Variants in SNTG1 observed in about 807,000 individuals in gnomAD.
SNTG1 encodes syntrophin gamma 1, also known as gamma-1-syntrophin.
SNTG1 carries 39 observed loss-of-function variants against 74.7 expected under a neutral mutation model. That is an observed-to-expected ratio of 0.52 (90% confidence interval 0.40 to 0.68). SNTG1 has a LOEUF of 0.68. Ranked by LOEUF, SNTG1 falls within the 30% of genes least tolerant of loss-of-function variation. The pLI, the probability that SNTG1 is intolerant of heterozygous loss-of-function variation, is 0.00. For synonymous variants in SNTG1, 254 were observed against 217.1 expected (o/e 1.17, Z -1.49); for missense variants, 685 against 609.5 (o/e 1.12, Z -1.30).
At chr8:50,712,163 C>T (rs2095463314) in intron 17 of SNTG1, among the ~76,000 whole-genome samples, 1 of 152,148 alleles carries the variant, frequency 6.6e-6, no homozygotes, top group South Asian at 2.1e-4. Context: ...CATCAGTCTT[C>T]ACAGACGTTT....
At chr8:50,509,132 T>C (rs1363378650) in intron 9 of SNTG1, among the ~76,000 whole-genome samples, 1 of 152,256 alleles carries the variant, frequency 6.6e-6, no homozygotes, top group South Asian at 2.1e-4. Context: ...TTCAGCTTTC[T>C]ACATATGGCT....
intron 9 of SNTG1, among the ~76,000 whole-genome samples, chr8:50,506,049 A>C (rs1002052663): frequency 6.6e-6 from 1 of 152,066 alleles, no homozygotes; most frequent in South Asian, 2.1e-4. Context: ...GTAAGTGCCC[A>C]ACATTCTTTT....
intron 2 of SNTG1, among the ~76,000 whole-genome samples, chr8:50,291,021 G>A (rs1369896665): frequency 6.6e-6 from 1 of 152,078 alleles, no homozygotes; most frequent in Non-Finnish European, 1.5e-5. Flanking sequence ...CTCCCAAAGT[G>A]CTGGGACTGC....
intron 4 of SNTG1, among the ~76,000 whole-genome samples, chr8:50,409,262 C>A (rs919988333): frequency 9.9e-5 from 15 of 152,212 alleles, no homozygotes; most frequent in Admixed American, 9.8e-4. Context: ...TTTTCACCTA[C>A]AAGAGACAGC....
intron 13 of SNTG1, among the ~76,000 whole-genome samples, chr8:50,601,073 G>T (rs1464791207): frequency 3.6e-5 from 5 of 137,512 alleles, no homozygotes; most frequent in Non-Finnish European, 6.1e-5. Context: ...TGGGAGAATC[G>T]CTTGAACCTG....
At chr8:50,785,305 A>G (rs1442208585) in intron 18 of SNTG1, among the ~76,000 whole-genome samples, 1 of 151,942 alleles carries the variant, frequency 6.6e-6, no homozygotes, top group Non-Finnish European at 1.5e-5. Flanking sequence ...AGATAACCAA[A>G]CAGCGAGAGA....
At chr8:50,329,853 A>C (rs1386612760) in intron 2 of SNTG1, among the ~76,000 whole-genome samples, 1 of 152,096 alleles carries the variant, frequency 6.6e-6, no homozygotes, top group Non-Finnish European at 1.5e-5. Context: ...AAATTTTCCA[A>C]ACTTTTATGC....
chr8:50,227,600 G>A (rs1296983960), intron 2 of SNTG1, among the ~76,000 whole-genome samples: 1 of 152,072 alleles, frequency 6.6e-6, no homozygotes, highest in Non-Finnish European at 1.5e-5. Context: ...TCATCAGGTT[G>A]TAGAATGATT....
At chr8:49,966,006 C>A (rs1036456590) in intron 1 of SNTG1, among the ~76,000 whole-genome samples, 1 of 152,166 alleles carries the variant, frequency 6.6e-6, no homozygotes, top group African/African-American at 2.4e-5. Flanking sequence ...AAGCTCTGTG[C>A]ATCTTCCTTG....
chr8:50,020,799 A>G (rs1415053529), intron 1 of SNTG1, among the ~76,000 whole-genome samples: 1 of 152,060 alleles, frequency 6.6e-6, no homozygotes, highest in East Asian at 1.9e-4. Flanking sequence ...TGCACCTTGG[A>G]TTTTTTACTT....
At chr8:50,111,267 C>T (rs1428492085) in intron 1 of SNTG1, among the ~76,000 whole-genome samples, 2 of 151,812 alleles carry the variant, frequency 1.3e-5, no homozygotes, top group African/African-American at 4.8e-5. Context: ...TGAAGCTCTA[C>T]CCCCCCAATA....
At chr8:50,185,867 T>C (rs1197518835) in intron 2 of SNTG1, among the ~76,000 whole-genome samples, 3 of 152,254 alleles carry the variant, frequency 2.0e-5, no homozygotes, top group East Asian at 1.9e-4. Flanking sequence ...CCAAGATACA[T>C]GTGCAGAAAG....
intron 2 of SNTG1, among the ~76,000 whole-genome samples, chr8:50,183,515 C>T (rs1246597019): frequency 4.6e-5 from 7 of 152,144 alleles, no homozygotes; most frequent in Admixed American, 3.9e-4. Flanking sequence ...CCTTCAAGTG[C>T]CCATAGCACG....
intron 15 of SNTG1, among the ~76,000 whole-genome samples, chr8:50,684,251 G>T (rs6473290): frequency 0.1 from 15,587 of 152,104 alleles, 2,245 homozygotes; most frequent in African/African-American, 0.32. Flanking sequence ...TTCTAAACAT[G>T]AATTTGAGAA....
intron 13 of SNTG1, among the ~76,000 whole-genome samples, chr8:50,638,302 A>C (rs1431002560): frequency 1.3e-5 from 2 of 152,120 alleles, no homozygotes; most frequent in African/African-American, 4.8e-5. Context: ...GCTGTTATAA[A>C]CCACCAAGGT....
intron 2 of SNTG1, among the ~76,000 whole-genome samples, chr8:50,236,835 T>C (rs997753914): frequency 3.3e-5 from 5 of 152,164 alleles, no homozygotes; most frequent in African/African-American, 9.6e-5. Context: ...CTTCAAGAAA[T>C]GTCAACATGT....
At chr8:50,329,774 T>C (rs1356151555) in intron 2 of SNTG1, among the ~76,000 whole-genome samples, 1 of 152,198 alleles carries the variant, frequency 6.6e-6, no homozygotes, top group Non-Finnish European at 1.5e-5. Flanking sequence ...TCCTTACTTA[T>C]GCAAATTTCT....
intron 9 of SNTG1, among the ~76,000 whole-genome samples, chr8:50,510,671 C>T (rs1585518155): frequency 1.3e-5 from 2 of 152,070 alleles, no homozygotes; most frequent in Non-Finnish European, 2.9e-5. Flanking sequence ...GGAATTTATC[C>T]ATTTCTTCTA....
intron 16 of SNTG1, among the ~76,000 whole-genome samples, chr8:50,707,670 C>T (rs1563768610): frequency 6.6e-6 from 1 of 151,474 alleles, no homozygotes. Context: ...TAAAAATTTG[C>T]TTCAGATAAA....
Sources: gnomAD v4.1 joint callset for allele counts (sites outside exome capture counted in the v4.1 genomes callset) on GRCh38, gnomAD v4.1.1 for gene constraint, MANE v1.5 for transcripts, NCBI Gene and HGNC (gene_info 2026-07-23, HGNC 2026-07-21) for gene names.